The following GALNTL6 variants were observed in gnomAD, a reference collection of about 807,000 sequenced individuals.
GALNTL6 encodes the protein polypeptide N-acetylgalactosaminyltransferase-like 6.
A neutral mutation model predicts 73.7 loss-of-function variants in GALNTL6; 46 were observed. The observed-to-expected ratio is 0.62, with a 90% confidence interval of 0.49 to 0.80. The LOEUF (loss-of-function observed/expected upper bound fraction) is 0.80, where lower values mean the gene tolerates loss of function less well. Among genes scored for constraint, GALNTL6 ranks in the 30% least tolerant of loss-of-function variants. GALNTL6 has a pLI of 0.00. For synonymous variants in GALNTL6, 259 were observed against 263.7 expected (o/e 0.98, Z 0.17); for missense variants, 604 against 755.0 (o/e 0.80, Z 2.34).
intron 5 of GALNTL6, among the ~76,000 whole-genome samples, chr4:172,630,099 G>A (rs1387747331): frequency 2.6e-5 from 4 of 152,010 alleles, no homozygotes; most frequent in Non-Finnish European, 5.9e-5. Context: ...CCCCCAAATA[G>A]GAAGTTGTTT....
chr4:172,580,259 A>C (rs1195680350), intron 5 of GALNTL6, among the ~76,000 whole-genome samples: 1 of 152,220 alleles, frequency 6.6e-6, no homozygotes, highest in Non-Finnish European at 1.5e-5. Flanking sequence ...TAGAATGATC[A>C]GATTCAGCAC....
intron 5 of GALNTL6, among the ~76,000 whole-genome samples, chr4:172,570,341 C>A (rs572181785): frequency 7.9e-5 from 12 of 152,150 alleles, no homozygotes; most frequent in African/African-American, 2.9e-4. Flanking sequence ...GGGGCTAGTT[C>A]CAGAGAAAAT....
intron 5 of GALNTL6, among the ~76,000 whole-genome samples, chr4:172,658,689 A>G (rs1731214559): frequency 6.6e-6 from 1 of 152,070 alleles, no homozygotes; most frequent in Non-Finnish European, 1.5e-5. Flanking sequence ...ATTGAAGTCT[A>G]AAAAGATGAG....
At chr4:172,772,407 TA>T (rs941637701) in intron 5 of GALNTL6, among the ~76,000 whole-genome samples, 21 of 152,292 alleles carry the variant, frequency 1.4e-4, no homozygotes, top group Admixed American at 2.6e-4. Flanking sequence ...AAGAGAAGCT[TA>T]AAAAATAGCT....
chr4:172,917,798 G>A (rs1448093467), intron 8 of GALNTL6, among the ~76,000 whole-genome samples: 1 of 152,204 alleles, frequency 6.6e-6, no homozygotes, highest in African/African-American at 2.4e-5. Flanking sequence ...TACACTGTTG[G>A]TGGGACTGTA....
At chr4:172,022,181 A>G (rs1445085011) in intron 2 of GALNTL6, among the ~76,000 whole-genome samples, 2 of 152,020 alleles carry the variant, frequency 1.3e-5, no homozygotes, top group Non-Finnish European at 2.9e-5. Flanking sequence ...TTTGCAAGGT[A>G]CCTATCTGAC....
At chr4:172,830,782 A>T (rs1401192042) in intron 7 of GALNTL6, among the ~76,000 whole-genome samples, 1 of 152,212 alleles carries the variant, frequency 6.6e-6, no homozygotes, top group African/African-American at 2.4e-5. Context: ...CCAGAGAAAG[A>T]GATCTCAGAG....
chr4:172,716,752 C>G (rs938194919), intron 5 of GALNTL6, among the ~76,000 whole-genome samples: 5 of 152,128 alleles, frequency 3.3e-5, no homozygotes, highest in African/African-American at 1.2e-4. Context: ...AAAAAGTGTA[C>G]AAGTCAAAAA....
intron 4 of GALNTL6, among the ~76,000 whole-genome samples, chr4:172,345,583 T>G (rs1345767550): frequency 2.0e-5 from 3 of 152,212 alleles, no homozygotes; most frequent in African/African-American, 7.2e-5. Flanking sequence ...GTTGCCTATT[T>G]GACCAGCACA....
At chr4:172,289,865 A>G (rs532373236) in intron 3 of GALNTL6, among the ~76,000 whole-genome samples, 84 of 152,296 alleles carry the variant, frequency 5.5e-4, no homozygotes, top group Non-Finnish European at 9.8e-4. Context: ...GTACTTTTGG[A>G]AAGAGACTTA....
intron 5 of GALNTL6, among the ~76,000 whole-genome samples, chr4:172,735,969 A>G (rs1029732467): frequency 2.0e-5 from 3 of 152,130 alleles, no homozygotes; most frequent in Admixed American, 2.0e-4. Flanking sequence ...AAGGGGAGGG[A>G]GTGTACGAAT....
intron 5 of GALNTL6, among the ~76,000 whole-genome samples, chr4:172,801,450 C>A (rs10016630): frequency 6.6e-6 from 1 of 152,162 alleles, no homozygotes; most frequent in East Asian, 1.9e-4. Context: ...GTCTTAACTT[C>A]TTTATGCATG....
intron 5 of GALNTL6, among the ~76,000 whole-genome samples, chr4:172,370,433 G>A (rs1468106585): frequency 6.6e-6 from 1 of 151,888 alleles, no homozygotes; most frequent in African/African-American, 2.4e-5. Flanking sequence ...AGACCATTCT[G>A]GCTAACGTGG....
chr4:172,633,336 C>T (rs1202171275), intron 5 of GALNTL6, among the ~76,000 whole-genome samples: 1 of 152,196 alleles, frequency 6.6e-6, no homozygotes, highest in Admixed American at 6.5e-5. Context: ...CCACCTCTTG[C>T]ATCAGTATGA....
chr4:172,204,636 T>G (rs1736052841), intron 2 of GALNTL6, among the ~76,000 whole-genome samples: 1 of 152,216 alleles, frequency 6.6e-6, no homozygotes, highest in Non-Finnish European at 1.5e-5. Flanking sequence ...CATGATAAAT[T>G]ATATTGTCAC....
At chr4:171,955,771 G>GTGTA (rs1553974786) in intron 2 of GALNTL6, among the ~76,000 whole-genome samples, 2 of 150,452 alleles carry the variant, frequency 1.3e-5, no homozygotes, top group Non-Finnish European at 3.0e-5. Flanking sequence ...ATACGTGTGT[G>GTGTA]TATATATATA....
At chr4:172,910,785 C>A (rs1159550481) in intron 8 of GALNTL6, among the ~76,000 whole-genome samples, 2 of 152,192 alleles carry the variant, frequency 1.3e-5, no homozygotes, top group Non-Finnish European at 2.9e-5. Flanking sequence ...TGCATGGCAT[C>A]CCTTCCACAG....
At chr4:172,169,037 T>C (rs916719871) in intron 2 of GALNTL6, among the ~76,000 whole-genome samples, 4 of 152,218 alleles carry the variant, frequency 2.6e-5, no homozygotes, top group African/African-American at 9.6e-5. Context: ...TAAGTTAGTT[T>C]ATGTTTGGGA....
intron 5 of GALNTL6, among the ~76,000 whole-genome samples, chr4:172,523,717 A>G (rs756371807): frequency 4.6e-5 from 7 of 152,108 alleles, no homozygotes; most frequent in Non-Finnish European, 1.0e-4. Context: ...AACTCTGTAT[A>G]GGCTGGATTG....
Sources: allele counts gnomAD v4.1 joint callset (sites outside exome capture counted in the v4.1 genomes callset), GRCh38; gene constraint gnomAD v4.1.1; transcripts MANE v1.5; gene names NCBI Gene and HGNC (gene_info 2026-07-23, HGNC 2026-07-21).